Variants in TXNRD2 observed in about 807,000 individuals in gnomAD.
The protein encoded by TXNRD2 is thioredoxin reductase 2, also known as thioredoxin reductase 2, mitochondrial.
A neutral mutation model predicts 70.8 loss-of-function variants in TXNRD2; 67 were observed. The ratio of observed to expected loss-of-function variants is 0.95; its 90% CI spans 0.78 to 1.16. TXNRD2 has a LOEUF of 1.16. TXNRD2 is among the 50% of genes most tolerant of loss of function. TXNRD2 has a pLI of 0.00. For synonymous variants in TXNRD2, 301 were observed against 295.8 expected (o/e 1.02, Z -0.18); for missense variants, 644 against 719.9 (o/e 0.89, Z 1.21).
rs192869629 is a variant in TXNRD2, at chr22:19,880,654, C to G, written c.1150G>C (p.Gly384Arg). ...TAGTCCATCAGATCTGAGGACCCGCCGAAGAGCCGCTGCACCAGGAGCCTC... is the reference window on the plus strand; with the variant it reads ...TAGTCCATCAGATCTGAGGACCCGCGGAAGAGCCGCTGCACCAGGAGCCTC... The part of the protein sequence containing the change: ...AGRLLVQRLF[G>R]GSSDLMDYDN... Residue 384 changes from glycine to arginine, a missense_variant, in exon 13 of 18, where the codon GGC (glycine) becomes CGC (arginine). This residue lies in a region of TXNRD2 where 566 missense variants were observed against 645.0 expected (regional missense o/e 0.88). Coordinates refer to ENST00000400521, the MANE Select transcript of TXNRD2 (RefSeq NM_006440.5). 1.1e-5 allele frequency: 18 copies of G among 1,613,282 alleles called. No individual in the cohort carries two copies. In the East Asian group the frequency reaches 3.8e-4, roughly 34 times the overall value.
chr22:19,911,292 G>A (rs1940397018), intron 8 of TXNRD2, 85 bp downstream of exon 8: 1 of 1,120,430 alleles, frequency 8.9e-7, no homozygotes, highest in South Asian at 1.2e-5. Flanking sequence ...AGCCCCAGGA[G>A]CCCAGCACCA....
At chr22:19,883,682 G>A (rs572543692) in intron 11 of TXNRD2, 10 of 581,978 alleles carry the variant, frequency 1.7e-5, no homozygotes, top group Admixed American at 5.3e-5. Context: ...AGCCAGGCGT[G>A]ATGGCTCATG....
rs186489112 is a variant in TXNRD2, at chr22:19,889,483, T to C, written c.949+5924A>G. Among the ~76,000 whole-genome samples the C allele has an allele frequency of 7.6e-3, 1,161 of 152,030 alleles. 7 individuals carry two copies. Among genetic ancestry groups the C allele is most frequent in the African/African-American group, 0.027 (1,121 of 41,434 alleles). On this transcript the variant is annotated intron_variant, in intron 11 of 17. Coordinates refer to ENST00000400521, the MANE Select transcript of TXNRD2 (RefSeq NM_006440.5). ...AAAATTAGCTGGGCGCGGTGGCGGG[T>C]GCCTGTAATCCCAGCTACTTGGAAG...
chr22:19,930,847 C>T (rs748302219), intron 2 of TXNRD2, among the ~76,000 whole-genome samples, 183 bp downstream of exon 2: 18 of 152,172 alleles, frequency 1.2e-4, no homozygotes, highest in Non-Finnish European at 1.5e-4. Flanking sequence ...AGTGCCACGG[C>T]GGCCGCTGGG....
At chr22:19,909,731 TCA>T (rs529822645) in intron 8 of TXNRD2, among the ~76,000 whole-genome samples, 182 of 48,642 alleles carry the variant, frequency 3.7e-3, no homozygotes, top group African/African-American at 0.013. Flanking sequence ...CACACACCAC[TCA>T]CACACACACC....
At chr22:19,888,928 G>A (rs1939146218) in intron 11 of TXNRD2, among the ~76,000 whole-genome samples, 1 of 151,092 alleles carries the variant, frequency 6.6e-6, no homozygotes, top group Non-Finnish European at 1.5e-5. Flanking sequence ...TGAGCCCCGG[G>A]CCCCTACCCG....
At chr22:19,916,995 G>A (rs1401096219) in intron 5 of TXNRD2, among the ~76,000 whole-genome samples, 1 of 152,194 alleles carries the variant, frequency 6.6e-6, no homozygotes, top group African/African-American at 2.4e-5. Flanking sequence ...TCTCCCCACT[G>A]GCAAGCCTGT....
At chr22:19,891,032 T>C (rs777190735) in intron 11 of TXNRD2, among the ~76,000 whole-genome samples, 41 of 152,212 alleles carry the variant, frequency 2.7e-4, no homozygotes, top group Non-Finnish European at 5.4e-4. Flanking sequence ...GGGTGGCCTC[T>C]GTGTGGTGCC....
intron 1 of TXNRD2, 49 bp downstream of exon 1, chr22:19,941,652 C>A (rs1354419958): frequency 2.8e-6 from 4 of 1,421,216 alleles, no homozygotes; most frequent in South Asian, 1.5e-5. Context: ...CACGAGGACA[C>A]CCCGGCCGCG....
intron 16 of TXNRD2, among the ~76,000 whole-genome samples, chr22:19,877,583 C>T (rs1225262586): frequency 1.3e-5 from 2 of 152,174 alleles, no homozygotes; most frequent in African/African-American, 2.4e-5. Context: ...CCACCACCTC[C>T]CAGGCCCCAC....
intron 8 of TXNRD2, among the ~76,000 whole-genome samples, chr22:19,899,378 T>TC (rs1379186272): frequency 6.6e-6 from 1 of 151,920 alleles, no homozygotes; most frequent in African/African-American, 2.4e-5. Context: ...TTTCCTTCTC[T>TC]CCCCCCGGGG....
At chr22:19,902,890 C>A in intron 8 of TXNRD2, 1 of 504,274 alleles carries the variant, frequency 2.0e-6, no homozygotes, top group Admixed American at 2.1e-5. Flanking sequence ...AATTTATCTT[C>A]TTCCCTCTTG....
intron 13 of TXNRD2, 126 bp from the exon 14 acceptor site, chr22:19,880,397 C>T: frequency 9.6e-7 from 1 of 1,038,748 alleles, no homozygotes; most frequent in Non-Finnish European, 1.4e-6. Flanking sequence ...GCTGCAAGCA[C>T]AGTAGGCGAC....
intron 2 of TXNRD2, among the ~76,000 whole-genome samples, chr22:19,930,042 T>C (rs1941300484): frequency 6.6e-6 from 1 of 152,186 alleles, no homozygotes; most frequent in Non-Finnish European, 1.5e-5. Context: ...GGAACAGCAC[T>C]AGGCCTCGTG....
At chr22:19,892,506 A>G (rs1482756024) in intron 11 of TXNRD2, among the ~76,000 whole-genome samples, 1 of 152,256 alleles carries the variant, frequency 6.6e-6, no homozygotes, top group East Asian at 1.9e-4. Flanking sequence ...ACAGACTCCT[A>G]GCAAGGGAGG....
intron 2 of TXNRD2, 102 bp downstream of exon 2, chr22:19,930,928 G>C (rs1162937650): frequency 9.7e-7 from 1 of 1,032,632 alleles, no homozygotes; most frequent in Non-Finnish European, 1.5e-6. Context: ...CCCCAGCAGG[G>C]AGGCAACGCA....
chr22:19,913,846 T>A (rs1249503484), intron 7 of TXNRD2, among the ~76,000 whole-genome samples: 3 of 152,200 alleles, frequency 2.0e-5, no homozygotes, highest in Non-Finnish European at 4.4e-5. Context: ...CACAGAGCCC[T>A]CAGCAAAGAC....
chr22:19,892,990 C>G (rs577165471), intron 11 of TXNRD2, among the ~76,000 whole-genome samples: 1 of 152,216 alleles, frequency 6.6e-6, no homozygotes, highest in Non-Finnish European at 1.5e-5. Context: ...GCCCTGCGTG[C>G]GCTCAGGCAT....
rs367811295 is a variant in TXNRD2 at position 19,930,956 on chromosome 22, T to G, written c.172+74A>C. ...GCAACGCATTTTGCTCATGGACGTT[T>G]TCTGGACAGCACCACCCTCTCTAGG... On this transcript the variant is annotated intron_variant, in intron 2 of 17. Coordinates refer to ENST00000400521, the MANE Select transcript of TXNRD2 (RefSeq NM_006440.5). 187 of 1,435,380 alleles carry G rather than the reference T, an allele frequency of 1.3e-4. No homozygotes were observed. In the East Asian group the frequency reaches 2.6e-3, roughly 20 times the overall value. The allele number at this position is 1,435,380 out of a possible 1,614,324, so 88.9% of individuals were successfully genotyped here. A position where few individuals can be genotyped will look rare whatever the true frequency, so the allele number is the denominator to read the frequency against.
Sources: allele counts gnomAD v4.1 joint callset (sites outside exome capture counted in the v4.1 genomes callset), GRCh38; gene constraint gnomAD v4.1.1; regional missense constraint gnomAD v4.1.1; transcripts MANE v1.5; gene names NCBI Gene and HGNC (gene_info 2026-07-23, HGNC 2026-07-21).